The following TRPM8 variants were observed in gnomAD, a reference collection of about 807,000 sequenced individuals.
TRPM8 encodes the protein TRPM8 cationic channel.
TRPM8 carries 110 observed loss-of-function variants against 133.7 expected under a neutral mutation model. The observed-to-expected ratio is 0.82, with a 90% confidence interval of 0.70 to 0.96. The LOEUF (loss-of-function observed/expected upper bound fraction) is 0.96, where lower values mean the gene tolerates loss of function less well. Ranked by LOEUF, TRPM8 falls within the 40% of genes least tolerant of loss-of-function variation. TRPM8 has a pLI of 0.00. For missense variants in TRPM8, 1,291 were observed against 1,379.5 expected (o/e 0.94, Z 1.02); for synonymous variants, 535 against 532.3 (o/e 1.01, Z -0.07).
intron 20 of TRPM8, among the ~76,000 whole-genome samples, chr2:233,985,123 C>T (rs1165790354): frequency 3.9e-5 from 6 of 152,114 alleles, no homozygotes; most frequent in African/African-American, 1.4e-4. Context: ...ATGTCTGCTC[C>T]GTGCACATCT....
intron 17 of TRPM8, among the ~76,000 whole-genome samples, chr2:233,976,621 C>T (rs941035989): frequency 6.6e-6 from 1 of 152,056 alleles, no homozygotes; most frequent in Non-Finnish European, 1.5e-5. Flanking sequence ...TGGGGGGATG[C>T]TTACTAAGTA....
intron 22 of TRPM8, among the ~76,000 whole-genome samples, chr2:233,997,222 C>T (rs975409395): frequency 1.3e-5 from 2 of 151,170 alleles, no homozygotes; most frequent in Non-Finnish European, 3.0e-5. Context: ...TGCAGTGAGC[C>T]GAGATCTCAC....
intron 3 of TRPM8, among the ~76,000 whole-genome samples, chr2:233,935,361 A>T (rs983167092): frequency 7.2e-5 from 11 of 152,116 alleles, no homozygotes; most frequent in African/African-American, 2.7e-4. Context: ...AGTGGGGCTG[A>T]ATCTTGTTAT....
intron 14 of TRPM8, chr2:233,965,996 ATG>A (rs1283950393): frequency 6.6e-6 from 1 of 152,208 alleles, no homozygotes; most frequent in Admixed American, 6.6e-5. Context: ...TTACAGGCGC[ATG>A]CCACCACACC....
At chr2:233,966,050 A>T (rs1691562394) in intron 14 of TRPM8, 1 of 152,582 alleles carries the variant, frequency 6.6e-6, no homozygotes, top group Non-Finnish European at 1.5e-5. Flanking sequence ...GGGTTTTGCC[A>T]TGTTGGGCAG....
Position 233,983,044 on chromosome 2 carries a change from C to T in TRPM8, c.2590-9C>T, listed in dbSNP as rs1692049905. 6.2e-7 allele frequency: 1 copy of T among 1,609,212 alleles called. No individual in the cohort carries two copies. The highest frequency in any genetic ancestry group is 8.5e-7 in the Non-Finnish European group (1 of 1,176,102). Reference sequence around the variant, plus strand: ...GTCCTGACTCCGCTCTCCTGTCCTCCCCTGACAGCTGATCGATGTGTTCTT... The same window carrying T: ...GTCCTGACTCCGCTCTCCTGTCCTCTCCTGACAGCTGATCGATGTGTTCTT... On this transcript the variant is annotated splice_polypyrimidine_tract_variant and intron_variant, in intron 19 of 25. Transcript: ENST00000324695.
chr2:234,011,078 G>A (rs1033130414), intron 24 of TRPM8, among the ~76,000 whole-genome samples: 2 of 152,164 alleles, frequency 1.3e-5, no homozygotes. Context: ...TTTCCCCTAT[G>A]CTTTCTTCTG....
intron 24 of TRPM8, among the ~76,000 whole-genome samples, chr2:234,012,466 TGTGTGTGAGA>T (rs1692864367): frequency 8.4e-6 from 1 of 119,690 alleles, no homozygotes; most frequent in African/African-American, 3.2e-5. Context: ...TTTTTTTTTG[TGTGTGTGAGA>T]GTGTGTGTGT....
At chr2:233,942,487 A>T in intron 5 of TRPM8, 89 bp from the exon 6 acceptor site, 3 of 1,296,102 alleles carry the variant, frequency 2.3e-6, no homozygotes, top group Non-Finnish European at 3.4e-6. Flanking sequence ...GCCTACAGGG[A>T]TGGGGCCTTT....
At chr2:233,998,759 C>T (rs1401716331) in intron 22 of TRPM8, among the ~76,000 whole-genome samples, 1 of 151,826 alleles carries the variant, frequency 6.6e-6, no homozygotes, top group African/African-American at 2.4e-5. Flanking sequence ...AGTTAGGGTG[C>T]CAGCTTGTGC....
At chr2:233,976,978 T>A (rs1381537534) in intron 17 of TRPM8, among the ~76,000 whole-genome samples, 2 of 152,120 alleles carry the variant, frequency 1.3e-5, no homozygotes, top group African/African-American at 4.8e-5. Flanking sequence ...TTAACCTAGT[T>A]TACACTTGTT....
chr2:233,987,662 T>C (rs1359323966), intron 21 of TRPM8, among the ~76,000 whole-genome samples: 1 of 152,214 alleles, frequency 6.6e-6, no homozygotes, highest in Admixed American at 6.5e-5. Flanking sequence ...TTCTAAAACA[T>C]CACCGATGTA....
intron 5 of TRPM8, among the ~76,000 whole-genome samples, chr2:233,941,868 T>C (rs1690912179): frequency 6.6e-6 from 1 of 152,048 alleles, no homozygotes; most frequent in Non-Finnish European, 1.5e-5. Context: ...CCAAGGAAGA[T>C]TCACTTGAAT....
intron 22 of TRPM8, among the ~76,000 whole-genome samples, chr2:234,001,278 G>T (rs1012625016): frequency 1.3e-5 from 2 of 152,148 alleles, no homozygotes; most frequent in African/African-American, 4.8e-5. Context: ...AGATCAGAGA[G>T]ACCTTCCTGA....
intron 17 of TRPM8, among the ~76,000 whole-genome samples, chr2:233,972,326 G>A (rs1024268479): frequency 6.6e-6 from 1 of 152,260 alleles, no homozygotes; most frequent in Non-Finnish European, 1.5e-5. Context: ...ACAGAGTGAC[G>A]ATTGGTGTAT....
At chr2:233,927,920 C>CTT (rs1217792227) in intron 2 of TRPM8, among the ~76,000 whole-genome samples, 2 of 35,644 alleles carry the variant, frequency 5.6e-5, no homozygotes, top group African/African-American at 6.1e-4. Context: ...CTCTCTCTCT[C>CTT]TCTTTCTCTC....
intron 11 of TRPM8, among the ~76,000 whole-genome samples, chr2:233,957,860 A>G (rs540315275): frequency 6.6e-6 from 1 of 152,216 alleles, no homozygotes; most frequent in Non-Finnish European, 1.5e-5. Context: ...GAGAGAACCA[A>G]TGGTTCAGTG....
intron 17 of TRPM8, among the ~76,000 whole-genome samples, chr2:233,978,477 G>A (rs1691925907): frequency 6.6e-6 from 1 of 152,072 alleles, no homozygotes; most frequent in African/African-American, 2.4e-5. Flanking sequence ...ATGAAATAGG[G>A]TAGGCATATG....
intron 25 of TRPM8, among the ~76,000 whole-genome samples, chr2:234,016,392 T>C (rs781098165): frequency 6.6e-6 from 1 of 152,230 alleles, no homozygotes; most frequent in Non-Finnish European, 1.5e-5. Context: ...GTTTGTCATA[T>C]CCTTAAGAAC....
Sources: gnomAD v4.1 joint callset for allele counts (sites outside exome capture counted in the v4.1 genomes callset) on GRCh38, gnomAD v4.1.1 for gene constraint, MANE v1.5 for transcripts, NCBI Gene and HGNC (gene_info 2026-07-23, HGNC 2026-07-21) for gene names.